Variants in CDH12 observed in about 807,000 individuals in gnomAD.
CDH12 encodes the protein cadherin-12.
In CDH12, 41 loss-of-function variants were observed where a neutral mutation model predicts 74.1. The observed-to-expected ratio is 0.55, with a 90% CI of 0.43 to 0.72. The LOEUF (loss-of-function observed/expected upper bound fraction) is 0.72, where lower values mean the gene tolerates loss of function less well. Among genes scored for constraint, CDH12 ranks in the 30% least tolerant of loss-of-function variants. The pLI is 0.00. For synonymous variants in CDH12, 399 were observed against 355.0 expected (o/e 1.12, Z -1.39); for missense variants, 945 against 977.2 (o/e 0.97, Z 0.44).
intron 1 of CDH12, among the ~76,000 whole-genome samples, chr5:22,761,004 C>A (rs955803196): frequency 6.6e-6 from 1 of 152,118 alleles, no homozygotes; most frequent in South Asian, 2.1e-4. Flanking sequence ...GTTGTTTGAG[C>A]AATATGTTTT....
At chr5:22,368,529 C>G (rs1165049497) in intron 3 of CDH12, among the ~76,000 whole-genome samples, 1 of 148,440 alleles carries the variant, frequency 6.7e-6, no homozygotes, top group Non-Finnish European at 1.5e-5. Context: ...GTTTCAAACT[C>G]CTGGGCTCAA....
chr5:22,111,944 A>G (rs2150261448), intron 4 of CDH12, among the ~76,000 whole-genome samples: 1 of 152,294 alleles, frequency 6.6e-6, no homozygotes, highest in South Asian at 2.1e-4. Context: ...TAAAGTTAAA[A>G]TAAGACATAA....
intron 1 of CDH12, among the ~76,000 whole-genome samples, chr5:22,712,799 A>G (rs912020303): frequency 6.6e-6 from 1 of 152,204 alleles, no homozygotes; most frequent in Non-Finnish European, 1.5e-5. Context: ...GTACAAAAGA[A>G]GCTCTGGCTC....
At chr5:22,291,096 T>C (rs1737368088) in intron 3 of CDH12, among the ~76,000 whole-genome samples, 1 of 152,082 alleles carries the variant, frequency 6.6e-6, no homozygotes, top group Non-Finnish European at 1.5e-5. Context: ...TACATCAAAT[T>C]AATAGAACTA....
chr5:22,716,532 G>T (rs563601418), intron 1 of CDH12, among the ~76,000 whole-genome samples: 1 of 151,448 alleles, frequency 6.6e-6, no homozygotes, highest in East Asian at 1.9e-4. Context: ...TCTATCATTG[G>T]TTTTTGTATT....
chr5:21,942,707 C>T (rs1755395071), intron 6 of CDH12, among the ~76,000 whole-genome samples: 1 of 151,964 alleles, frequency 6.6e-6, no homozygotes, highest in Non-Finnish European at 1.5e-5. Flanking sequence ...CAATGGAATT[C>T]TCATTTCTAT....
At chr5:22,717,434 G>C (rs1743637787) in intron 1 of CDH12, among the ~76,000 whole-genome samples, 1 of 152,088 alleles carries the variant, frequency 6.6e-6, no homozygotes, top group Non-Finnish European at 1.5e-5. Flanking sequence ...TTAGGTTTGT[G>C]AAAATCCATT....
chr5:21,785,889 A>G (rs1414704051), intron 10 of CDH12, among the ~76,000 whole-genome samples: 1 of 152,214 alleles, frequency 6.6e-6, no homozygotes, highest in Admixed American at 6.5e-5. Context: ...TTAAATGTAT[A>G]CAGAACAGCC....
rs1748097196 is a variant in CDH12, at chr5:21,817,034, C to T, written c.913G>A (p.Glu305Lys). Residue 305 changes from glutamate (E) to lysine (K), a missense_variant, in exon 9 of 15, where the codon GAA becomes AAA. Physicochemically the swap from Glu to Lys is moderately conservative, Grantham distance 56. This residue lies in a region of CDH12 where 791 missense variants were observed against 792.8 expected (regional missense o/e 1.00). Transcript: ENST00000382254. ...DPDFGQNAEIEYNIVPGDGGN... is the reference protein window; with the variant it reads ...DPDFGQNAEIKYNIVPGDGGN... ...CCATCTCCTGGAACAATATTGTATT[C>T]AATTTCTGCATTTTGTCCAAAATCA... The T allele has an allele frequency of 1.9e-6, 3 of 1,612,518 alleles. No homozygotes were observed. Among genetic ancestry groups the T allele is most frequent in the African/African-American group, 1.3e-5 (1 of 74,804 alleles).
intron 5 of CDH12, among the ~76,000 whole-genome samples, chr5:22,062,117 C>G (rs577269625): frequency 4.6e-5 from 7 of 152,240 alleles, no homozygotes; most frequent in Non-Finnish European, 1.0e-4. Context: ...TTTTGAAATA[C>G]TGGTTTTAGG....
chr5:22,584,520 T>C (rs1358345568), intron 1 of CDH12, among the ~76,000 whole-genome samples: 1 of 152,220 alleles, frequency 6.6e-6, no homozygotes, highest in African/African-American at 2.4e-5. Context: ...TATATTACTA[T>C]GGATTAGCAT....
intron 4 of CDH12, among the ~76,000 whole-genome samples, chr5:22,080,784 T>TC (rs974977012): frequency 5.9e-5 from 9 of 152,074 alleles, no homozygotes; most frequent in Non-Finnish European, 1.0e-4. Flanking sequence ...CTTTCTTTTT[T>TC]CTTTTTCTTT....
chr5:22,460,389 C>T (rs147547165), intron 2 of CDH12, among the ~76,000 whole-genome samples: 148 of 152,032 alleles, frequency 9.7e-4, no homozygotes, highest in African/African-American at 3.5e-3. Context: ...TCTGCTCTTA[C>T]GAACAAAGAA....
intron 5 of CDH12, among the ~76,000 whole-genome samples, chr5:22,074,853 C>T (rs891946946): frequency 2.6e-5 from 4 of 152,084 alleles, no homozygotes; most frequent in African/African-American, 9.7e-5. Context: ...CACTTTTACA[C>T]TGTTGGTGGG....
intron 1 of CDH12, among the ~76,000 whole-genome samples, chr5:22,721,227 G>A (rs1387469241): frequency 6.6e-6 from 1 of 152,228 alleles, no homozygotes. Flanking sequence ...AGCTCCAGCT[G>A]TGGCTAAAAG....
In CDH12 at chr5:22,078,525, C is replaced by T. The variant is rs1171594653; in HGVS notation, c.152G>A (p.Arg51His). Residue 51 changes from arginine (R) to histidine (H), a missense_variant, in exon 5 of 15, where the codon CGT (arginine) becomes CAT (histidine). Transcript: ENST00000382254. ...ATTCCATACCCAGCCACGTTTAACA[C>T]GTTGGAAATGTGACCGTTGTCCTGG... ...HLPGQRSHFQ[R>H]VKRGWVWNQF... 3.7e-6 allele frequency: 6 copies of T among 1,613,928 alleles called. No individual in the cohort carries two copies. Among genetic ancestry groups the T allele is most frequent in the East Asian group, 2.2e-5 (1 of 44,874 alleles).
At chr5:22,199,095 G>T (rs1335867089) in intron 4 of CDH12, among the ~76,000 whole-genome samples, 1 of 152,096 alleles carries the variant, frequency 6.6e-6, no homozygotes, top group Non-Finnish European at 1.5e-5. Context: ...GCACCTGCGA[G>T]TACAGAATTC....
intron 1 of CDH12, among the ~76,000 whole-genome samples, chr5:22,525,807 T>C (rs532777277): frequency 6.6e-6 from 1 of 152,234 alleles, no homozygotes; most frequent in East Asian, 1.9e-4. Flanking sequence ...AACCTGGTGT[T>C]AAAAATTTAC....
At chr5:22,073,370 C>T (rs1166152748) in intron 5 of CDH12, among the ~76,000 whole-genome samples, 1 of 152,124 alleles carries the variant, frequency 6.6e-6, no homozygotes, top group Admixed American at 6.6e-5. Flanking sequence ...GGATACCTAA[C>T]TTGGAGGCTA....
Sources: allele counts gnomAD v4.1 joint callset (sites outside exome capture counted in the v4.1 genomes callset), GRCh38; gene constraint gnomAD v4.1.1; regional missense constraint gnomAD v4.1.1; transcripts MANE v1.5; gene names NCBI Gene and HGNC (gene_info 2026-07-23, HGNC 2026-07-21).